SLC28A1: variants seen among roughly 807,000 people sequenced by gnomAD.
SLC28A1 encodes the protein solute carrier family 28 member 1.
Under a neutral mutation model 74.8 loss-of-function variants are expected in SLC28A1, and 64 were observed. That is an observed-to-expected ratio of 0.86 (90% CI 0.70 to 1.05). The LOEUF is 1.05. Ranked by LOEUF, SLC28A1 falls within the 50% of genes least tolerant of loss-of-function variation. SLC28A1 has a pLI of 0.00. For missense variants in SLC28A1, 828 were observed against 822.8 expected (o/e 1.01, Z -0.08); for synonymous variants, 359 against 335.0 (o/e 1.07, Z -0.78).
At chr15:84,912,834 AC>A (rs879427340) in intron 9 of SLC28A1, among the ~76,000 whole-genome samples, 10,243 of 151,610 alleles carry the variant, frequency 0.068, 547 homozygotes, top group Middle Eastern at 0.15. Context: ...ACACACACAC[AC>A]ACACACACAC....
chr15:84,946,482 G>A (rs919735376), downstream of SLC28A1, among the ~76,000 whole-genome samples: 17 of 151,992 alleles, frequency 1.1e-4, no homozygotes, highest in African/African-American at 3.4e-4. Flanking sequence ...TTGAGGAATC[G>A]GAGTCGCGGA....
the SLC28A1 span, among the ~76,000 whole-genome samples, chr15:84,965,981 G>C: frequency 6.6e-6 from 1 of 152,044 alleles, no homozygotes; most frequent in Non-Finnish European, 1.5e-5. Context: ...TATAGAGAGG[G>C]GTCCTGAGCC....
chr15:84,907,987 G>T (rs1049758632), intron 8 of SLC28A1, among the ~76,000 whole-genome samples: 1 of 152,116 alleles, frequency 6.6e-6, no homozygotes. Flanking sequence ...TATAACACAG[G>T]TCTCCTGTAG....
chr15:84,905,787 C>T (rs1219960044), intron 8 of SLC28A1, 135 bp downstream of exon 8: 2 of 729,222 alleles, frequency 2.7e-6, no homozygotes, highest in East Asian at 5.4e-5. Context: ...TGGACTGGGG[C>T]CCCAGACCAG....
chr15:84,972,567 T>C, the SLC28A1 span, among the ~76,000 whole-genome samples: 1 of 152,352 alleles, frequency 6.6e-6, no homozygotes, highest in East Asian at 1.9e-4. Context: ...ATTATCATCA[T>C]CACCTTCACA....
At chr15:84,895,581 C>T in intron 6 of SLC28A1, 3 of 1,522,588 alleles carry the variant, frequency 2.0e-6, no homozygotes, top group East Asian at 2.5e-5. Flanking sequence ...TTGAGATCTG[C>T]TGCTTTTCAA....
chr15:84,889,583 T>G (rs779480794), intron 4 of SLC28A1, among the ~76,000 whole-genome samples: 1 of 152,108 alleles, frequency 6.6e-6, no homozygotes, highest in Non-Finnish European at 1.5e-5. Flanking sequence ...GTGTGTCCCA[T>G]GGGCAGGTGG....
chr15:84,906,082 C>T (rs1166980221), intron 8 of SLC28A1, among the ~76,000 whole-genome samples: 1 of 147,242 alleles, frequency 6.8e-6, no homozygotes, highest in Non-Finnish European at 1.5e-5. Context: ...TGCAGTGGTG[C>T]AATCTTGGCT....
Position 84,924,105 on chromosome 15 carries a change from T to C in SLC28A1, c.1078T>C (p.Phe360Leu). 1 of 1,612,934 alleles carries C rather than the reference T, an allele frequency of 6.2e-7. No individual in the cohort carries two copies. The highest frequency in any genetic ancestry group is 8.5e-7 in the Non-Finnish European group (1 of 1,179,898). Residue 360 changes from phenylalanine to leucine, a missense_variant, in exon 12 of 19, where the codon TTT (phenylalanine) becomes CTT (leucine). Phe to Leu is a conservative substitution (Grantham distance 22). This residue lies in a region of SLC28A1 where 767 missense variants were observed against 753.5 expected (regional missense o/e 1.02). Coordinates refer to ENST00000394573, the MANE Select transcript of SLC28A1 (RefSeq NM_004213.5). The part of the protein sequence containing the change: ...AGSLLGAYIS[F>L]GIDATSLIAA... ...CAGCCTGCTGGGTGCCTACATCTCC[T>C]TTGGGGTAGGTAGAGCCCTCCTTCT... is the stretch of plus-strand genomic sequence containing the variant.
intron 15 of SLC28A1, among the ~76,000 whole-genome samples, chr15:84,937,805 G>A (rs908359278): frequency 2.0e-5 from 3 of 152,158 alleles, no homozygotes; most frequent in African/African-American, 4.8e-5. Flanking sequence ...GCTGAGGCAC[G>A]AGAATTTCTT....
intron 12 of SLC28A1, among the ~76,000 whole-genome samples, chr15:84,928,522 CGTTCG>C (rs1273864285): frequency 3.0e-4 from 8 of 27,036 alleles, no homozygotes; most frequent in Admixed American, 1.6e-3. Context: ...CTCCCAGGTT[CGTTCG>C]TTCTTTCTTT....
At chr15:84,887,188 T>C (rs1055736751) in intron 2 of SLC28A1, among the ~76,000 whole-genome samples, 2 of 152,232 alleles carry the variant, frequency 1.3e-5, no homozygotes, top group African/African-American at 4.8e-5. Flanking sequence ...TAGAATACAC[T>C]GAAGATCTCA....
chr15:84,898,344 C>T (rs368539250), intron 6 of SLC28A1, among the ~76,000 whole-genome samples: 1 of 152,100 alleles, frequency 6.6e-6, no homozygotes. Flanking sequence ...TTTGGGAGGG[C>T]GAGGTGGGTA....
the SLC28A1 span, among the ~76,000 whole-genome samples, chr15:84,956,516 A>G: frequency 3.3e-5 from 4 of 122,192 alleles, no homozygotes; most frequent in Non-Finnish European, 6.9e-5. Flanking sequence ...TTCTTTCGAC[A>G]GGGTCTCACT....
chr15:84,933,427 T>C, intron 13 of SLC28A1, 152 bp downstream of exon 13: 1 of 880,938 alleles, frequency 1.1e-6, no homozygotes, highest in South Asian at 1.5e-5. Context: ...TCATTTGCTG[T>C]CTTAGTCCAT....
chr15:84,946,100 A>T (rs1216228779), downstream of SLC28A1, among the ~76,000 whole-genome samples: 10 of 14,986 alleles, frequency 6.7e-4, 1 homozygote, highest in African/African-American at 2.0e-3. Context: ...ATATATATAT[A>T]TATATATATA....
chr15:84,897,969 G>T (rs993101590), intron 6 of SLC28A1, among the ~76,000 whole-genome samples: 1 of 151,952 alleles, frequency 6.6e-6, no homozygotes, highest in Non-Finnish European at 1.5e-5. Context: ...GGATTTCATT[G>T]TTTTTTTATG....
In SLC28A1 at chr15:84,923,620, A is replaced by G. The variant is rs115562663; in HGVS notation, c.958-365A>G. ...AGCAGGACCTGCTTCACATCCTTTT[A>G]CATGAGCAGGGGTCATTCCTGGAAC... is the stretch of plus-strand genomic sequence containing the variant. On this transcript the variant is annotated intron_variant, in intron 11 of 18. Transcript: ENST00000394573. Among the ~76,000 whole-genome samples, 547 of 152,248 alleles carry G rather than the reference A, an allele frequency of 3.6e-3. 4 individuals carry two copies. Among genetic ancestry groups the G allele is most frequent in the Middle Eastern group, 0.024 (7 of 294 alleles).
chr15:84,926,423 G>A (rs769619686), intron 12 of SLC28A1: 1 of 322,958 alleles, frequency 3.1e-6, no homozygotes, highest in South Asian at 2.3e-5. Flanking sequence ...GGCTGGTCTT[G>A]AACTCCTGGG....
Sources: allele counts gnomAD v4.1 joint callset (sites outside exome capture counted in the v4.1 genomes callset), GRCh38; gene constraint gnomAD v4.1.1; regional missense constraint gnomAD v4.1.1; transcripts MANE v1.5; gene names NCBI Gene and HGNC (gene_info 2026-07-23, HGNC 2026-07-21).